Variants in MEP1B observed in about 807,000 individuals in gnomAD.
MEP1B encodes meprin A subunit beta, also known as N-benzoyl-L-tyrosyl-P-amino-benzoic acid hydrolase subunit beta.
In MEP1B, 80 loss-of-function variants were observed where a neutral mutation model predicts 84.6. The observed-to-expected ratio is 0.95, with a 90% CI of 0.79 to 1.14. MEP1B has a LOEUF of 1.14. Among genes scored for constraint, MEP1B ranks in the 50% most tolerant of loss-of-function variants. The pLI, the probability that MEP1B is intolerant of heterozygous loss-of-function variation, is 0.00. For missense variants in MEP1B, 766 were observed against 855.1 expected (o/e 0.90, Z 1.30); for synonymous variants, 273 against 288.1 (o/e 0.95, Z 0.53).
Position 32,217,950 on chromosome 18 carries a change from T to C in MEP1B, c.2076T>C (p.Asn692=), listed in dbSNP as rs1183390910. Residue 692 remains asparagine, a synonymous_variant, in exon 14 of 15, where the codon AAT becomes AAC. Transcript: ENST00000269202. ...YRERMSSNRP[N]LTPQNQHAF ...AAAGGATGAGCTCAAATCGACCAAATTTGACTCCGCAAAATGTAAGTTGAG... is the reference window on the plus strand; with the variant it reads ...AAAGGATGAGCTCAAATCGACCAAACTTGACTCCGCAAAATGTAAGTTGAG... The C allele has an allele frequency of 6.2e-7, 1 of 1,613,872 alleles. No homozygotes were observed. Among genetic ancestry groups the C allele is most frequent in the Non-Finnish European group, 8.5e-7 (1 of 1,179,830 alleles).
rs2289544 is a variant in MEP1B at position 32,192,796 on chromosome 18, G to A, written c.150G>A (p.Glu50=). The A allele has an allele frequency of 0.034, 54,982 of 1,612,466 alleles. 2,062 individuals carry two copies. Among genetic ancestry groups the A allele is most frequent in the East Asian group, 0.21 (9,195 of 44,782 alleles). ...INEGLGLDLF[E]GDIRLDRAQI... ...TAGGTTTGGGACTGGATCTTTTTGA[G>A]GGTGACATCAGACTTGATAGGGTGA... is the stretch of plus-strand genomic sequence containing the variant. Residue 50 remains glutamate, a synonymous_variant, in exon 4 of 15, where the codon GAG becomes GAA. Coordinates refer to ENST00000269202, the MANE Select transcript of MEP1B (RefSeq NM_005925.3).
rs1481650252 is a variant in MEP1B, at chr18:32,216,982, T to A, written c.1760-9T>A. The A allele has an allele frequency of 2.5e-5, 40 of 1,612,976 alleles. No homozygotes were observed. The highest frequency in any genetic ancestry group is 3.3e-5 in the Non-Finnish European group (39 of 1,179,464). On this transcript the variant is annotated splice_polypyrimidine_tract_variant and intron_variant, in intron 12 of 14. Transcript: ENST00000269202. ...TGATTTCCATCCACACTCTTCCCCA[T>A]CTTCCTAGACATATCTCACCTCAAC...
At chr18:32,209,595 C>T (rs1304721006) in intron 9 of MEP1B, among the ~76,000 whole-genome samples, 1 of 151,842 alleles carries the variant, frequency 6.6e-6, no homozygotes. Context: ...ATAATGAAAG[C>T]AGATAAGTGG....
chr18:32,199,347 A>G (rs1186044147), intron 5 of MEP1B, among the ~76,000 whole-genome samples: 2 of 152,202 alleles, frequency 1.3e-5, no homozygotes, highest in South Asian at 2.1e-4. Flanking sequence ...AATAAGTAAG[A>G]AGATGGTCGA....
chr18:32,206,259 A>G (rs2040963332), intron 7 of MEP1B, among the ~76,000 whole-genome samples: 1 of 152,138 alleles, frequency 6.6e-6, no homozygotes, highest in Non-Finnish European at 1.5e-5. Context: ...GTTAGTCAAT[A>G]ACTGCATGTC....
intron 6 of MEP1B, among the ~76,000 whole-genome samples, chr18:32,203,701 T>G (rs184974252): frequency 6.6e-6 from 1 of 152,304 alleles, no homozygotes; most frequent in East Asian, 1.9e-4. Context: ...TAACTGGCTT[T>G]CAGTTCTGCA....
Position 32,204,189 on chromosome 18 carries a change from T to A in MEP1B, c.376T>A (p.Ser126Thr). 1 of 1,605,404 alleles carries A rather than the reference T, an allele frequency of 6.2e-7. No individual in the cohort carries two copies. The highest frequency in any genetic ancestry group is 1.1e-5 in the South Asian group (1 of 89,142). Reference protein sequence around the residue: ...ISVFKGSGCWSSVGNRRVGKQ... With the variant: ...ISVFKGSGCWTSVGNRRVGKQ... ...TGTAAACTCTCCTGTAAGCTGCTGG[T>A]CTTCAGTAGGAAATAGGCGGGTTGG... Residue 126 changes from serine (S) to threonine (T), a missense_variant, in exon 7 of 15, where the codon TCT becomes ACT. By Grantham distance (58) the Ser-to-Thr change is moderately conservative. Transcript: ENST00000269202.
intron 5 of MEP1B, among the ~76,000 whole-genome samples, chr18:32,198,321 A>G (rs998947512): frequency 5.9e-5 from 9 of 152,174 alleles, no homozygotes; most frequent in African/African-American, 1.9e-4. Context: ...AATGCCATTA[A>G]TGATGTAGAG....
In MEP1B at chr18:32,215,143, T is replaced by C. The variant is rs371926813; in HGVS notation, c.1641T>C (p.Asn547=). 18 of 1,609,730 alleles carry C rather than the reference T, an allele frequency of 1.1e-5. No individual in the cohort carries two copies. Among genetic ancestry groups the C allele is most frequent in the African/African-American group, 1.3e-5 (1 of 74,688 alleles). ...TGGGAACAGTGGCTTTGTTCTCTAA[T>C]GGAACTCAGTTTAGAAGAGGTGGGG... The part of the protein sequence containing the change: ...SKVGTVALFS[N]GTQFRRGGGY... The change falls in exon 12 of 15, where the codon AAT becomes AAC. Residue 547 remains asparagine (N), a synonymous_variant. Coordinates refer to ENST00000269202, the MANE Select transcript of MEP1B (RefSeq NM_005925.3).
In MEP1B at chr18:32,219,810, G is replaced by GCA. The variant is rs34525566; in HGVS notation, c.2092-401_2092-400dup. Among the ~76,000 whole-genome samples the GCA allele has an allele frequency of 7.4e-3, 1,098 of 149,156 alleles. 8 individuals carry two copies. The highest frequency in any genetic ancestry group is 0.013 in the African/African-American group (534 of 40,738). Reference sequence around the variant, plus strand: ...AAGGATAGTAAGTGGAAACACACATGCACACACACACACACACACACTCCA... The same window carrying GCA: ...AAGGATAGTAAGTGGAAACACACATGCACACACACACACACACACACACTCCA... On this transcript the variant is annotated intron_variant, in intron 14 of 14. Coordinates refer to ENST00000269202, the MANE Select transcript of MEP1B (RefSeq NM_005925.3).
chr18:32,207,659 G>A (rs1346568696), intron 8 of MEP1B, among the ~76,000 whole-genome samples, 189 bp downstream of exon 8: 1 of 152,162 alleles, frequency 6.6e-6, no homozygotes, highest in Non-Finnish European at 1.5e-5. Context: ...TTTTCACCAC[G>A]TCTGGTGTTG....
chr18:32,217,444 C>T (rs2041103169), intron 13 of MEP1B, among the ~76,000 whole-genome samples: 1 of 152,094 alleles, frequency 6.6e-6, no homozygotes, highest in Non-Finnish European at 1.5e-5. Flanking sequence ...GAGCCCTTGG[C>T]CAAGATGTGA....
At chr18:32,191,864 C>G (rs569952054) in intron 2 of MEP1B, 24 bp downstream of exon 2, 1 of 1,484,126 alleles carries the variant, frequency 6.7e-7, no homozygotes, top group South Asian at 1.2e-5. Flanking sequence ...GAGTTTTGTT[C>G]TAGGTTATAG....
At position 32,213,539 on chromosome 18, in the gene MEP1B, C is replaced by G; in HGVS notation, c.1559C>G (p.Thr520Arg). Reference sequence around the variant, plus strand: ...ATGTCCAATCAGCGGAGTATAACTACAGACCCATTTATGACCACCGGTTCG... The same window carrying G: ...ATGTCCAATCAGCGGAGTATAACTAGAGACCCATTTATGACCACCGGTTCG... Reference protein sequence around the residue: ...QRMSNQRSITTDPFMTTDNGN... With the variant: ...QRMSNQRSITRDPFMTTDNGN... Residue 520 changes from threonine to arginine, a missense_variant, in exon 11 of 15, where the codon ACA (threonine) becomes AGA (arginine). By Grantham distance (71) the Thr-to-Arg change is moderately conservative (BLOSUM62 -1). Transcript: ENST00000269202. The G allele has an allele frequency of 6.2e-7, 1 of 1,612,180 alleles. No homozygotes were observed. Among genetic ancestry groups the G allele is most frequent in the Non-Finnish European group, 8.5e-7 (1 of 1,178,434 alleles).
At chr18:32,200,181 T>C (rs989315130) in intron 5 of MEP1B, among the ~76,000 whole-genome samples, 9 of 152,300 alleles carry the variant, frequency 5.9e-5, no homozygotes, top group East Asian at 1.9e-4. Flanking sequence ...AATAACATTT[T>C]TGAAATAAAT....
intron 2 of MEP1B, among the ~76,000 whole-genome samples, chr18:32,192,402 A>AT (rs2040810462): frequency 6.6e-6 from 1 of 152,082 alleles, no homozygotes; most frequent in Non-Finnish European, 1.5e-5. Context: ...TTATTCCCGA[A>AT]GTCATTTGAC....
At chr18:32,207,954 G>A (rs991445674) in intron 8 of MEP1B, among the ~76,000 whole-genome samples, 165 bp from the exon 9 acceptor site, 2 of 152,106 alleles carry the variant, frequency 1.3e-5, no homozygotes, top group African/African-American at 2.4e-5. Context: ...TTCTTTGTAG[G>A]GGTTCTGCAA....
chr18:32,190,533 T>C (rs2040792486), intron 1 of MEP1B, among the ~76,000 whole-genome samples: 1 of 152,196 alleles, frequency 6.6e-6, no homozygotes, highest in South Asian at 2.1e-4. Context: ...TCTCTTATGC[T>C]TCTTCATCAG....
intron 5 of MEP1B, among the ~76,000 whole-genome samples, chr18:32,195,817 T>C (rs1480999534): frequency 6.6e-6 from 1 of 152,134 alleles, no homozygotes; most frequent in African/African-American, 2.4e-5. Flanking sequence ...CATATATTCA[T>C]TGAACCAGTG....
Sources: allele counts gnomAD v4.1 joint callset (sites outside exome capture counted in the v4.1 genomes callset), GRCh38; gene constraint gnomAD v4.1.1; transcripts MANE v1.5; gene names NCBI Gene and HGNC (gene_info 2026-07-23, HGNC 2026-07-21).